Variants in QRICH2 observed in about 807,000 individuals in gnomAD.
QRICH2 encodes the protein glutamine rich 2, also known as glutamine-rich protein 2.
QRICH2 carries 119 observed loss-of-function variants against 168.3 expected under a neutral mutation model. The ratio of observed to expected loss-of-function variants is 0.71; its 90% CI spans 0.61 to 0.82. The LOEUF (loss-of-function observed/expected upper bound fraction) is 0.82, where lower values mean the gene tolerates loss of function less well. Ranked by LOEUF, QRICH2 falls within the 40% of genes least tolerant of loss-of-function variation. The probability of loss-of-function intolerance (pLI) is 0.00; values close to 1 mark genes in which losing one functional copy is unlikely to be tolerated. For missense variants in QRICH2, 2,241 were observed against 2,491.6 expected, an observed-to-expected ratio of 0.90 and a Z score of 2.14; for synonymous variants, 894 against 951.2, an observed-to-expected ratio of 0.94 and a Z score of 1.11.
At chr17:76,308,277 G>C (rs528495537), upstream of QRICH2, 11 of 985,408 alleles carry the variant, frequency 1.1e-5, no homozygotes, top group South Asian at 4.2e-4. Flanking sequence ...GCGGACGTTT[G>C]AAACGTGGGG....
At chr17:76,277,380 AT>A (rs1316729093) in intron 15 of QRICH2, 70 bp from the exon 16 acceptor site, 2 of 1,549,434 alleles carry the variant, frequency 1.3e-6, no homozygotes, top group African/African-American at 2.8e-5. Context: ...TCACCCACCC[AT>A]GGGGCTGACC....
In QRICH2 at chr17:76,293,740, C is replaced by T; in HGVS notation, c.987G>A (p.Gln329=). 6.2e-7 allele frequency: 1 copy of T among 1,614,092 alleles called. No homozygotes were observed. Among genetic ancestry groups the T allele is most frequent in the South Asian group, 1.1e-5 (1 of 91,074 alleles). The change falls in exon 4 of 19, where the codon CAG becomes CAA. Residue 329 remains glutamine (Q), a synonymous_variant. Coordinates refer to ENST00000680821, the MANE Select transcript of QRICH2 (RefSeq NM_001388453.1). ...RDEAGVPRLH[Q]SSTFQFKSDS... The stretch of plus-strand genomic sequence containing the variant: ...CTGATTTGAATTGGAATGTAGAAGA[C>T]TGATGGAGTCGTGGCACGCCAGCTT...
chr17:76,308,544 T>C (rs1420805758), upstream of QRICH2: 2 of 965,776 alleles, frequency 2.1e-6, no homozygotes, highest in African/African-American at 3.5e-5. Context: ...GCTGCGTCCA[T>C]TCCAGAGTGG....
upstream of QRICH2, chr17:76,310,145 T>TC (rs2071055112): frequency 6.6e-6 from 1 of 151,140 alleles, no homozygotes; most frequent in South Asian, 2.1e-4. Context: ...GTGCACCCCC[T>TC]CCCCCAACAC....
In QRICH2 at chr17:76,277,994, G is replaced by A. The variant is rs770382841; in HGVS notation, c.5112C>T (p.Tyr1704=). 1.9e-6 allele frequency: 3 copies of A among 1,611,314 alleles called. No individual in the cohort carries two copies. The highest frequency in any genetic ancestry group is 1.6e-4 in the Middle Eastern group (1 of 6,062). The change falls in exon 15 of 19, where the codon TAC becomes TAT. Residue 1704 remains tyrosine (Y), a synonymous_variant. Transcript: ENST00000680821. ...LHAQCLGSPC[Y]KRVTDMADYT... ...CTCGCCCGCCTCTCCTGTACCGTTT[G>A]TAGCAGGGGGAGCCCAGGCACTGGG... is the stretch of plus-strand genomic sequence containing the variant.
intron 3 of QRICH2, chr17:76,301,446 T>G (rs2070896778): frequency 4.0e-6 from 1 of 249,470 alleles, no homozygotes; most frequent in South Asian, 3.4e-5. Context: ...TACGCACCTG[T>G]GGTCCCAACT....
chr17:76,287,217 T>A lies in QRICH2; in HGVS notation c.3986A>T (p.Glu1329Val). The A allele has an allele frequency of 1.2e-6, 2 of 1,613,882 alleles. No individual in the cohort carries two copies. The highest frequency in any genetic ancestry group is 1.7e-6 in the Non-Finnish European group (2 of 1,179,810). The change falls in exon 7 of 19, where the codon GAA becomes GTA. Residue 1329 changes from glutamate to valine, a missense_variant. Physicochemically the swap from Glu to Val is moderately radical, Grantham distance 121. This residue lies in a region of QRICH2 where 2,047 missense variants were observed against 2,303.8 expected (regional missense o/e 0.89). Transcript: ENST00000680821. ...CTGGTCCTGCAGGTAAAGGGAGGCT[T>A]CAGAGACAGAATTTTCCATGGCAGC... Reference protein sequence around the residue: ...GKAAMENSVSEASLYLQDQLD... With the variant: ...GKAAMENSVSVASLYLQDQLD...
chr17:76,291,933 C>T lies in QRICH2; in HGVS notation c.2794G>A (p.Val932Ile), dbSNP rs1168959483. Residue 932 changes from valine to isoleucine, a missense_variant, in exon 4 of 19, where the codon GTA (valine) becomes ATA (isoleucine). Coordinates refer to ENST00000680821, the MANE Select transcript of QRICH2 (RefSeq NM_001388453.1). ...CCAAGAGGATAGGCACCAGGTTGTACCAGGCCATGTGGATCTGCCTGAGGT... is the reference window on the plus strand; with the variant it reads ...CCAAGAGGATAGGCACCAGGTTGTATCAGGCCATGTGGATCTGCCTGAGGT... Reference protein sequence around the residue: ...VQPQADPHGLVQPGAYPLGLV... With the variant: ...VQPQADPHGLIQPGAYPLGLV... 1.2e-6 allele frequency: 2 copies of T among 1,614,076 alleles called. No individual in the cohort carries two copies. The highest frequency in any genetic ancestry group is 1.7e-6 in the Non-Finnish European group (2 of 1,180,060).
At chr17:76,279,306 AG>A in intron 13 of QRICH2, 56 bp downstream of exon 13, 1 of 1,464,412 alleles carries the variant, frequency 6.8e-7, no homozygotes, top group Non-Finnish European at 9.5e-7. Context: ...ACACAGGTGA[AG>A]GGAGGAGACG....
At chr17:76,287,966 G>A (rs1568113623) in intron 5 of QRICH2, 69 bp from the exon 6 acceptor site, 1 of 1,248,480 alleles carries the variant, frequency 8.0e-7, no homozygotes, top group Non-Finnish European at 1.2e-6. Context: ...GCCCTTGCAT[G>A]CAGCTCATGC....
At position 76,291,289 on chromosome 17, in the gene QRICH2, C is replaced by T; in HGVS notation, c.3438G>A (p.Lys1146=). 6.2e-7 allele frequency: 1 copy of T among 1,614,186 alleles called. No individual in the cohort carries two copies. The highest frequency in any genetic ancestry group is 8.5e-7 in the Non-Finnish European group (1 of 1,180,030). ...AAAGAGTGACATCTTGGCCTGGGGC[C>T]TTCTGGGCAGGAATTCCATGTCGGT... ...ASDRHGIPAQ[K]APGQDVTLFR... The change falls in exon 4 of 19, where the codon AAG becomes AAA. Residue 1146 remains lysine (K), a synonymous_variant. Transcript: ENST00000680821.
chr17:76,274,649 G>C (rs1005114086), intron 18 of QRICH2, among the ~76,000 whole-genome samples: 1 of 152,164 alleles, frequency 6.6e-6, no homozygotes, highest in Admixed American at 6.5e-5. Context: ...AGTAGACACT[G>C]GGAGAAGGGA....
intron 3 of QRICH2, chr17:76,301,405 TA>T: frequency 4.3e-6 from 1 of 233,874 alleles, no homozygotes; most frequent in African/African-American, 2.4e-5. Flanking sequence ...TTGTCTCTAC[TA>T]AAAATACAAA....
Position 76,291,103 on chromosome 17 carries a change from C to T in QRICH2, c.3624G>A (p.Val1208=). ...HLMGELSSLY[V]GLKESMKDLD... ...GATCCTTCATACTCTCCTTTAGCCCCACATAGAGGCTACTGAGCTCTCCCA... is the reference window on the plus strand; with the variant it reads ...GATCCTTCATACTCTCCTTTAGCCCTACATAGAGGCTACTGAGCTCTCCCA... The change falls in exon 4 of 19, where the codon GTG becomes GTA. Residue 1208 remains valine, a synonymous_variant. Coordinates refer to ENST00000680821, the MANE Select transcript of QRICH2 (RefSeq NM_001388453.1). The T allele has an allele frequency of 6.2e-7, 1 of 1,614,206 alleles. No homozygotes were observed. The highest frequency in any genetic ancestry group is 8.5e-7 in the Non-Finnish European group (1 of 1,180,050).
Position 76,291,246 on chromosome 17 carries a change from C to T in QRICH2, c.3481G>A (p.Val1161Ile), listed in dbSNP as rs762371203. The change falls in exon 4 of 19, where the codon GTC (valine) becomes ATC (isoleucine). Residue 1161 changes from valine (V) to isoleucine (I), a missense_variant. Transcript: ENST00000680821. ...DVTLFRSPDS[V>I]DRVLSEGSEV... is the part of the protein sequence containing the mutation. ...CTCCCTTCTGATAAGACTCGGTCGA[C>T]GGAGTCTGGACTCCTGAAAAGAGTG... 9.3e-6 allele frequency: 15 copies of T among 1,614,088 alleles called. No homozygotes were observed. Among genetic ancestry groups the T allele is most frequent in the Admixed American group, 6.7e-5 (4 of 59,996 alleles).
rs764417443 is a variant in QRICH2, at chr17:76,292,092, G to A, written c.2635C>T (p.Arg879Cys). ...TCCATTCCAGGTTGGACCAAACCACGCTGATCCACTCCAGGTTGCACCAAA... is the reference window on the plus strand; with the variant it reads ...TCCATTCCAGGTTGGACCAAACCACACTGATCCACTCCAGGTTGCACCAAA... Reference protein sequence around the residue: ...RGLVQPGVDQRGLVQPGMDQR... With the variant: ...RGLVQPGVDQCGLVQPGMDQR... Residue 879 changes from arginine to cysteine, a missense_variant, in exon 4 of 19, where the codon CGT becomes TGT. Physicochemically the swap from Arg to Cys is radical, Grantham distance 180. This residue lies in a region of QRICH2 where 2,047 missense variants were observed against 2,303.8 expected (regional missense o/e 0.89). Coordinates refer to ENST00000680821, the MANE Select transcript of QRICH2 (RefSeq NM_001388453.1). 41 of 1,613,058 alleles carry A rather than the reference G, an allele frequency of 2.5e-5. No individual in the cohort carries two copies. The highest frequency in any genetic ancestry group is 2.2e-4 in the East Asian group (10 of 44,848).
intron 7 of QRICH2, 115 bp from the exon 8 acceptor site, chr17:76,282,230 T>C: frequency 7.6e-7 from 1 of 1,313,088 alleles, no homozygotes; most frequent in South Asian, 1.5e-5. Flanking sequence ...CCCTGGGCAG[T>C]TGCTGCATCC....
intron 3 of QRICH2, among the ~76,000 whole-genome samples, chr17:76,299,401 G>A (rs2070857891): frequency 6.6e-6 from 1 of 152,092 alleles, no homozygotes; most frequent in Non-Finnish European, 1.5e-5. Flanking sequence ...ACCATTTTCT[G>A]ATTTCAGGGC....
At chr17:76,277,838 T>G (rs1488819482) in intron 15 of QRICH2, 151 bp downstream of exon 15, 4 of 785,722 alleles carry the variant, frequency 5.1e-6, no homozygotes, top group East Asian at 2.7e-5. Flanking sequence ...TCACACACAC[T>G]AACACCCCTC....
Sources: allele counts gnomAD v4.1 joint callset (sites outside exome capture counted in the v4.1 genomes callset), GRCh38; gene constraint gnomAD v4.1.1; regional missense constraint gnomAD v4.1.1; transcripts MANE v1.5; gene names NCBI Gene and HGNC (gene_info 2026-07-23, HGNC 2026-07-21).